Variants in HEATR4 observed in about 807,000 individuals in gnomAD.
HEATR4 encodes HEAT repeat-containing protein 4.
In HEATR4, 95 loss-of-function variants were observed where a neutral mutation model predicts 108.8. That is an observed-to-expected ratio of 0.87 (90% CI 0.74 to 1.04). The LOEUF (loss-of-function observed/expected upper bound fraction) is 1.04, where lower values mean the gene tolerates loss of function less well. Ranked by LOEUF, HEATR4 falls within the 50% of genes least tolerant of loss-of-function variation. The pLI is 0.00. For missense variants in HEATR4, 1,152 were observed against 1,253.8 expected (o/e 0.92, Z 1.23); for synonymous variants, 443 against 459.4 (o/e 0.96, Z 0.46).
the HEATR4 span, among the ~76,000 whole-genome samples, chr14:73,614,855 G>C: frequency 2.0e-5 from 3 of 151,928 alleles, no homozygotes; most frequent in Admixed American, 6.6e-5. Context: ...CCAGCACTTT[G>C]GGAGGCCGAG....
the HEATR4 span, among the ~76,000 whole-genome samples, chr14:73,576,816 A>AAAAAAAAAAAAAAAAGAAAG: frequency 3.4e-5 from 2 of 58,142 alleles, 1 homozygote; most frequent in Non-Finnish European, 6.6e-5. Flanking sequence ...AAAAAAAAAA[A>AAAAAAAAAAAAAAAAGAAAG]AAAAGACAAT....
chr14:73,524,310 A>AAAAAAAAAAAAAAAAATATATATATATAT, intron 2 of HEATR4, among the ~76,000 whole-genome samples: 1 of 54,790 alleles, frequency 1.8e-5, no homozygotes, highest in Non-Finnish European at 3.1e-5. Flanking sequence ...AAAAAAAAAA[A>AAAAAAAAAAAAAAAAATATATATATATAT]ATATATATAT....
the HEATR4 span, among the ~76,000 whole-genome samples, chr14:73,597,020 TA>T: frequency 6.6e-6 from 1 of 152,146 alleles, no homozygotes; most frequent in Admixed American, 6.6e-5. Context: ...GCAGAATAAA[TA>T]CAAAGAAAAA....
intron 2 of HEATR4, among the ~76,000 whole-genome samples, chr14:73,524,742 CACTT>C (rs1243197380): frequency 1.3e-5 from 2 of 151,400 alleles, no homozygotes; most frequent in Admixed American, 1.3e-4. Flanking sequence ...CCCTACCACT[CACTT>C]TGTTGGCCTT....
At chr14:73,623,334 T>C in the HEATR4 span, among the ~76,000 whole-genome samples, 1 of 152,048 alleles carries the variant, frequency 6.6e-6, no homozygotes, top group Non-Finnish European at 1.5e-5. Context: ...AAACATTACG[T>C]GATATAAAGG....
chr14:73,490,539 T>C (rs1188124688), intron 17 of HEATR4, among the ~76,000 whole-genome samples: 1 of 152,188 alleles, frequency 6.6e-6, no homozygotes, highest in Non-Finnish European at 1.5e-5. Flanking sequence ...GCCAGGATGG[T>C]CTCGATCTCC....
the HEATR4 span, among the ~76,000 whole-genome samples, chr14:73,585,688 C>A: frequency 1.9e-3 from 264 of 139,782 alleles, no homozygotes; most frequent in Admixed American, 5.3e-3. Flanking sequence ...GACTAGAACC[C>A]CAAAAAAATT....
upstream of HEATR4, among the ~76,000 whole-genome samples, chr14:73,563,466 G>C (rs1293583495): frequency 6.6e-6 from 1 of 151,828 alleles, no homozygotes; most frequent in African/African-American, 2.4e-5. Context: ...GTGGTGGTGC[G>C]TGCCTGTAGT....
chr14:73,511,711 CCAAAAA>C (rs1414436508), intron 7 of HEATR4, among the ~76,000 whole-genome samples: 3 of 151,938 alleles, frequency 2.0e-5, no homozygotes, highest in South Asian at 2.1e-4. Flanking sequence ...ACAGTCTCTA[CCAAAAA>C]CAAAAACAAA....
chr14:73,578,500 A>G, the HEATR4 span, among the ~76,000 whole-genome samples: 1 of 152,022 alleles, frequency 6.6e-6, no homozygotes. Context: ...CACTGATTGG[A>G]TTATAGGCAT....
intron 7 of HEATR4, among the ~76,000 whole-genome samples, chr14:73,511,435 C>A (rs1224914843): frequency 6.6e-6 from 1 of 151,840 alleles, no homozygotes; most frequent in Non-Finnish European, 1.5e-5. Flanking sequence ...AGGAGAATTG[C>A]TTGAACCTGG....
At chr14:73,517,722 A>AAG (rs1304131122) in intron 5 of HEATR4, among the ~76,000 whole-genome samples, 1 of 148,914 alleles carries the variant, frequency 6.7e-6, no homozygotes, top group African/African-American at 2.5e-5. Context: ...GGGAAGGGGG[A>AAG]AGAGAGGAAA....
At chr14:73,584,496 T>G in the HEATR4 span, among the ~76,000 whole-genome samples, 1 of 150,052 alleles carries the variant, frequency 6.7e-6, no homozygotes, top group African/African-American at 2.5e-5. Flanking sequence ...TTTGAGGGTC[T>G]CCTCCCATCT....
chr14:73,616,690 C>CA, the HEATR4 span: 15 of 182,508 alleles, frequency 8.2e-5, no homozygotes, highest in East Asian at 1.3e-4. Context: ...GTGAGACTGT[C>CA]AAAAAAAAAT....
intron 5 of HEATR4, among the ~76,000 whole-genome samples, chr14:73,516,923 C>T (rs183072387): frequency 5.3e-5 from 8 of 152,296 alleles, no homozygotes; most frequent in African/African-American, 1.2e-4. Flanking sequence ...TTATCTTCCA[C>T]GAAACCGGTC....
intron 7 of HEATR4, among the ~76,000 whole-genome samples, chr14:73,511,109 G>C (rs1389027510): frequency 6.6e-6 from 1 of 152,188 alleles, no homozygotes; most frequent in African/African-American, 2.4e-5. Flanking sequence ...AAGGGGAAAG[G>C]TTTGTTATCC....
Position 73,548,169 on chromosome 14 carries a change from C to T in HEATR4, c.-152+10582G>A. Among the ~76,000 whole-genome samples, 2 of 115,752 alleles carry T rather than the reference C, an allele frequency of 1.7e-5. 1 individual carries two copies. The highest frequency in any genetic ancestry group is 3.8e-5 in the Non-Finnish European group (2 of 53,002). 75.9% of individuals were successfully genotyped at this position (115,752 alleles called of 152,430 possible). ...TCTCGAACTCCTGGCCTCAGGTGAG[C>T]CTCCTGTAATCAGTAGAAGGGTCCA... On this transcript the variant is annotated intron_variant, in intron 1 of 17. Coordinates refer to ENST00000553558, the MANE Select transcript of HEATR4 (RefSeq NM_001220484.1).
At position 73,537,724 on chromosome 14, in the gene HEATR4, C is replaced by T. The variant is rs764022956; in HGVS notation, c.-151-7480G>A. On this transcript the variant is annotated intron_variant, in intron 1 of 17. Coordinates refer to ENST00000553558, the MANE Select transcript of HEATR4 (RefSeq NM_001220484.1). Reference sequence around the variant, plus strand: ...TGGTGAAGCGCGACGTGCGAACGCCCTTGGCCGTGGAGCTGGAGGTGCTGG... The same window carrying T: ...TGGTGAAGCGCGACGTGCGAACGCCTTTGGCCGTGGAGCTGGAGGTGCTGG... 80 of 1,246,024 alleles carry T rather than the reference C, an allele frequency of 6.4e-5. 19 individuals carry two copies. In the African/African-American group the frequency reaches 1.2e-3, roughly 18 times the overall value. The allele number at this position is 1,246,024 out of a possible 1,614,324, so 77.2% of individuals were successfully genotyped here.
At chr14:73,550,590 A>G (rs1889304300) in intron 1 of HEATR4, among the ~76,000 whole-genome samples, 1 of 111,296 alleles carries the variant, frequency 9.0e-6, no homozygotes, top group African/African-American at 3.0e-5. Context: ...AGACTCCCAT[A>G]AAGGGAGTCT....
Sources: allele counts gnomAD v4.1 joint callset (sites outside exome capture counted in the v4.1 genomes callset), GRCh38; gene constraint gnomAD v4.1.1; transcripts MANE v1.5; gene names NCBI Gene and HGNC (gene_info 2026-07-23, HGNC 2026-07-21).